Variants in TASP1 observed in about 807,000 individuals in gnomAD.
TASP1 encodes threonine aspartase 1.
TASP1 carries 16 observed loss-of-function variants against 56.6 expected under a neutral mutation model. That is an observed-to-expected ratio of 0.28 (90% CI 0.19 to 0.43). TASP1 has a LOEUF of 0.43. TASP1 is among the 20% of genes least tolerant of loss of function. The pLI is 1.00. For missense variants in TASP1, 393 were observed against 511.6 expected (o/e 0.77, Z 2.24); for synonymous variants, 179 against 184.2 (o/e 0.97, Z 0.23).
intron 6 of TASP1, among the ~76,000 whole-genome samples, chr20:13,571,174 A>G (rs1184775949): frequency 3.9e-5 from 6 of 152,230 alleles, no homozygotes. Flanking sequence ...GGCACTGTAA[A>G]ATATTCATAG....
chr20:13,340,324 C>A, the TASP1 span, among the ~76,000 whole-genome samples: 3 of 152,126 alleles, frequency 2.0e-5, no homozygotes, highest in Non-Finnish European at 4.4e-5. Context: ...GAACCAATGC[C>A]AGCAACCTCC....
At chr20:13,256,726 T>C in the TASP1 span, among the ~76,000 whole-genome samples, 13 of 152,186 alleles carry the variant, frequency 8.5e-5, no homozygotes, top group African/African-American at 3.1e-4. Context: ...CCGACAGCTG[T>C]TTACACCCCT....
rs60099056 is a variant in TASP1 at position 13,498,331 on chromosome 20, TTGTGTGTGTGTGTGTGTGTG to T, written c.875-15014_875-14995del. ...ATGAACAAACACTTTTTCTTTTCTTTTGTGTGTGTGTGTGTGTGTGTGTGTGTGTGTGTGTGTGTGTGTGT... is the reference window on the plus strand; with the variant it reads ...ATGAACAAACACTTTTTCTTTTCTTTTGTGTGTGTGTGTGTGTGTGTGTGT... On this transcript the variant is annotated intron_variant, in intron 10 of 13. Coordinates refer to ENST00000337743, the MANE Select transcript of TASP1 (RefSeq NM_017714.3). Among the ~76,000 whole-genome samples the T allele has an allele frequency of 7.8e-4, 105 of 135,118 alleles. No individual in the cohort carries two copies. In the East Asian group the frequency reaches 0.012, roughly 16 times the overall value. 88.6% of individuals were successfully genotyped at this position (135,118 alleles called of 152,430 possible).
chr20:13,589,430 C>A (rs1331837491), intron 4 of TASP1, among the ~76,000 whole-genome samples: 1 of 152,004 alleles, frequency 6.6e-6, no homozygotes, highest in Non-Finnish European at 1.5e-5. Context: ...GAAGTTGGAC[C>A]CCTATCTCAC....
chr20:13,500,000 A>G (rs944569452), intron 10 of TASP1, among the ~76,000 whole-genome samples: 9 of 151,862 alleles, frequency 5.9e-5, no homozygotes, highest in Non-Finnish European at 1.0e-4. Flanking sequence ...TGAAAGGAGG[A>G]TAAGGGTTGA....
At chr20:13,460,236 T>C (rs2044003784) in intron 11 of TASP1, among the ~76,000 whole-genome samples, 1 of 152,178 alleles carries the variant, frequency 6.6e-6, no homozygotes, top group Non-Finnish European at 1.5e-5. Context: ...TCTGACCTGC[T>C]GATCGTGCTT....
downstream of TASP1, among the ~76,000 whole-genome samples, chr20:13,387,680 G>A (rs1205739256): frequency 6.6e-6 from 1 of 152,218 alleles, no homozygotes; most frequent in Non-Finnish European, 1.5e-5. Context: ...TATATACCTA[G>A]TAATGGGATT....
At chr20:13,257,357 A>G in the TASP1 span, among the ~76,000 whole-genome samples, 32 of 152,142 alleles carry the variant, frequency 2.1e-4, no homozygotes, top group African/African-American at 7.0e-4. Flanking sequence ...TCTACTAAAA[A>G]TACAAAAAAA....
At chr20:13,522,630 A>C (rs773494851) in intron 10 of TASP1, among the ~76,000 whole-genome samples, 1 of 152,196 alleles carries the variant, frequency 6.6e-6, no homozygotes, top group Non-Finnish European at 1.5e-5. Context: ...TGTTATATAT[A>C]CAAGTGGAGA....
At chr20:13,434,144 A>C (rs894863098) in intron 12 of TASP1, among the ~76,000 whole-genome samples, 4 of 149,416 alleles carry the variant, frequency 2.7e-5, no homozygotes, top group East Asian at 2.0e-4. Flanking sequence ...GCAAAGTTCT[A>C]TTTTTTTTTT....
At chr20:13,125,860 C>T in the TASP1 span, among the ~76,000 whole-genome samples, 6 of 152,210 alleles carry the variant, frequency 3.9e-5, no homozygotes, top group Non-Finnish European at 7.3e-5. Context: ...CCAGATTAAT[C>T]CGCCTTTTGA....
At chr20:13,165,688 A>G in the TASP1 span, 1 of 152,246 alleles carries the variant, frequency 6.6e-6, no homozygotes, top group Non-Finnish European at 1.5e-5. Context: ...CTTACCCTGC[A>G]CAGCCTCTAT....
chr20:13,275,624 T>C, the TASP1 span, among the ~76,000 whole-genome samples: 15 of 152,356 alleles, frequency 9.8e-5, no homozygotes, highest in East Asian at 2.9e-3. Context: ...GGAATGACAA[T>C]ACTACATATG....
the TASP1 span, among the ~76,000 whole-genome samples, chr20:13,188,376 T>G: frequency 6.6e-6 from 1 of 152,110 alleles, no homozygotes; most frequent in South Asian, 2.1e-4. Flanking sequence ...CAAAAATCAA[T>G]AGCATTTCTA....
At chr20:13,576,079 G>A (rs2046894051) in intron 6 of TASP1, among the ~76,000 whole-genome samples, 1 of 151,678 alleles carries the variant, frequency 6.6e-6, no homozygotes, top group African/African-American at 2.4e-5. Flanking sequence ...GTGCATGCCT[G>A]TAATCCTAGC....
the TASP1 span, among the ~76,000 whole-genome samples, chr20:13,365,311 T>C: frequency 1.3e-5 from 2 of 152,234 alleles, no homozygotes; most frequent in African/African-American, 2.4e-5. Context: ...GAGCAATGAA[T>C]GAGACAGGTT....
At chr20:13,380,017 A>G in the TASP1 span, among the ~76,000 whole-genome samples, 1 of 152,152 alleles carries the variant, frequency 6.6e-6, no homozygotes, top group Non-Finnish European at 1.5e-5. Context: ...GGGTTAGAAC[A>G]TGCTCCTTTA....
At chr20:13,498,490 C>T (rs2043819155) in intron 10 of TASP1, among the ~76,000 whole-genome samples, 1 of 151,792 alleles carries the variant, frequency 6.6e-6, no homozygotes, top group African/African-American at 2.4e-5. Context: ...TCCCAAGTAG[C>T]TGGTACTACA....
the TASP1 span, among the ~76,000 whole-genome samples, chr20:13,172,670 T>A: frequency 2.0e-5 from 3 of 152,134 alleles, no homozygotes; most frequent in Non-Finnish European, 4.4e-5. Flanking sequence ...TACTTTTGAA[T>A]CTAAAATCCT....
Sources: allele counts gnomAD v4.1 joint callset (sites outside exome capture counted in the v4.1 genomes callset), GRCh38; gene constraint gnomAD v4.1.1; transcripts MANE v1.5; gene names NCBI Gene and HGNC (gene_info 2026-07-23, HGNC 2026-07-21).